NKAIN2: variants seen among roughly 807,000 people sequenced by gnomAD.
NKAIN2 encodes sodium/potassium transporting ATPase interacting 2.
NKAIN2 carries 14 observed loss-of-function variants against 32.6 expected under a neutral mutation model. That is an observed-to-expected ratio of 0.43 (90% CI 0.28 to 0.67). The LOEUF is 0.67. Ranked by LOEUF, NKAIN2 falls within the 30% of genes least tolerant of loss-of-function variation. NKAIN2 has a pLI of 0.17. For missense variants in NKAIN2, 198 were observed against 258.3 expected (o/e 0.77, Z 1.60); for synonymous variants, 80 against 87.2 (o/e 0.92, Z 0.46).
At chr6:124,707,596 G>C in intron 4 of NKAIN2, among the ~76,000 whole-genome samples, 2 of 135,676 alleles carry the variant, frequency 1.5e-5, no homozygotes. Context: ...GGCCAGTGAT[G>C]GTGAGCATTT....
chr6:124,437,905 A>G (rs1775528209), intron 3 of NKAIN2: 1 of 372,572 alleles, frequency 2.7e-6, no homozygotes, highest in Admixed American at 3.4e-5. Context: ...AACCCCAGGT[A>G]ACGGTCTGAT....
At chr6:124,480,586 GTATTATTATTATTATTAT>G (rs60818370) in intron 3 of NKAIN2, among the ~76,000 whole-genome samples, 1 of 149,360 alleles carries the variant, frequency 6.7e-6, no homozygotes, top group Non-Finnish European at 1.5e-5. Flanking sequence ...AGATGTTGAG[GTATTATTATTATTATTAT>G]TATTATTATT....
At chr6:123,915,550 C>G (rs576454603) in intron 1 of NKAIN2, among the ~76,000 whole-genome samples, 1 of 152,146 alleles carries the variant, frequency 6.6e-6, no homozygotes, top group Admixed American at 6.5e-5. Flanking sequence ...AGTGACTCAA[C>G]GTTGTTTCAA....
intron 5 of NKAIN2, among the ~76,000 whole-genome samples, chr6:124,804,988 G>A (rs551539911): frequency 3.2e-4 from 49 of 152,278 alleles, no homozygotes; most frequent in South Asian, 1.2e-3. Context: ...CAAAGCAGCC[G>A]GGAAGCTCGA....
At chr6:123,809,910 C>A (rs1017454176) in intron 1 of NKAIN2, among the ~76,000 whole-genome samples, 4 of 151,962 alleles carry the variant, frequency 2.6e-5, no homozygotes, top group Non-Finnish European at 5.9e-5. Flanking sequence ...TGTAAAAACT[C>A]CTTGAAATGC....
intron 3 of NKAIN2, among the ~76,000 whole-genome samples, chr6:124,652,491 C>T (rs778268770): frequency 1.4e-4 from 21 of 152,254 alleles, no homozygotes; most frequent in Middle Eastern, 6.8e-3. Flanking sequence ...TCCACATTTT[C>T]GGGTATTCGT....
intron 1 of NKAIN2, among the ~76,000 whole-genome samples, chr6:123,939,989 G>A (rs1442341635): frequency 6.6e-6 from 1 of 151,960 alleles, no homozygotes; most frequent in Non-Finnish European, 1.5e-5. Flanking sequence ...CAGTTTCTTT[G>A]TGTTTTCTGG....
intron 3 of NKAIN2, among the ~76,000 whole-genome samples, chr6:124,392,237 T>C (rs1377179545): frequency 6.6e-6 from 1 of 152,148 alleles, no homozygotes; most frequent in Non-Finnish European, 1.5e-5. Context: ...AAAATGGTAG[T>C]TCACACAAAC....
intron 3 of NKAIN2, among the ~76,000 whole-genome samples, chr6:124,632,827 A>C (rs1325557713): frequency 1.3e-5 from 2 of 152,340 alleles, no homozygotes; most frequent in South Asian, 2.1e-4. Flanking sequence ...ACTTTAAAAA[A>C]TTCTCTTGTA....
intron 1 of NKAIN2, among the ~76,000 whole-genome samples, chr6:124,127,198 G>A (rs1270272344): frequency 6.6e-6 from 1 of 152,140 alleles, no homozygotes; most frequent in East Asian, 1.9e-4. Context: ...TGCATTCATG[G>A]ATGGAGAGAT....
At chr6:124,295,507 A>G (rs1468861206) in intron 2 of NKAIN2, among the ~76,000 whole-genome samples, 1 of 152,108 alleles carries the variant, frequency 6.6e-6, no homozygotes, top group Non-Finnish European at 1.5e-5. Flanking sequence ...TTGCTTATTT[A>G]TATCATATAG....
At chr6:124,521,401 A>G (rs1779115304) in intron 3 of NKAIN2, among the ~76,000 whole-genome samples, 1 of 152,194 alleles carries the variant, frequency 6.6e-6, no homozygotes, top group Non-Finnish European at 1.5e-5. Flanking sequence ...AGAAGATCAT[A>G]TGATTTTTCT....
At chr6:124,590,209 A>G (rs1431968838) in intron 3 of NKAIN2, among the ~76,000 whole-genome samples, 1 of 152,158 alleles carries the variant, frequency 6.6e-6, no homozygotes, top group Non-Finnish European at 1.5e-5. Flanking sequence ...GCCGTACTTT[A>G]GTGCTGAGGT....
At chr6:124,206,470 T>C (rs2114643730) in intron 1 of NKAIN2, among the ~76,000 whole-genome samples, 1 of 152,046 alleles carries the variant, frequency 6.6e-6, no homozygotes, top group South Asian at 2.1e-4. Flanking sequence ...TGTTTTTTAG[T>C]AGAATCAGTC....
intron 4 of NKAIN2, among the ~76,000 whole-genome samples, chr6:124,669,010 A>G (rs1276472979): frequency 6.6e-6 from 1 of 152,098 alleles, no homozygotes; most frequent in Non-Finnish European, 1.5e-5. Flanking sequence ...GTGATCATTT[A>G]TCTGGGCTGA....
intron 4 of NKAIN2, among the ~76,000 whole-genome samples, chr6:124,748,707 A>C (rs1384672387): frequency 1.3e-5 from 2 of 151,928 alleles, no homozygotes; most frequent in African/African-American, 2.4e-5. Context: ...CACTAAAGAC[A>C]CTGGGTTTTG....
chr6:124,491,567 A>G (rs1409822554), intron 3 of NKAIN2, among the ~76,000 whole-genome samples: 1 of 151,870 alleles, frequency 6.6e-6, no homozygotes, highest in African/African-American at 2.4e-5. Context: ...AGGCTCTTAA[A>G]AGTATGTATG....
At chr6:124,091,330 C>A (rs149746987) in intron 1 of NKAIN2, among the ~76,000 whole-genome samples, 68 of 151,960 alleles carry the variant, frequency 4.5e-4, no homozygotes, top group African/African-American at 1.6e-3. Flanking sequence ...CATATGATGG[C>A]AAGAATCTTC....
intron 3 of NKAIN2, among the ~76,000 whole-genome samples, chr6:124,424,507 T>G (rs1212346710): frequency 6.6e-6 from 1 of 152,156 alleles, no homozygotes; most frequent in Non-Finnish European, 1.5e-5. Flanking sequence ...TAGAACTTCT[T>G]CATCCTACAT....
Sources: gnomAD v4.1 joint callset for allele counts (sites outside exome capture counted in the v4.1 genomes callset) on GRCh38, gnomAD v4.1.1 for gene constraint, MANE v1.5 for transcripts, NCBI Gene and HGNC (gene_info 2026-07-23, HGNC 2026-07-21) for gene names.